CDC20B: variants seen among roughly 807,000 people sequenced by gnomAD.
The protein encoded by CDC20B is cell division cycle protein 20 homolog B.
In CDC20B, 58 loss-of-function variants were observed where a neutral mutation model predicts 64.1. The ratio of observed to expected loss-of-function variants is 0.90; its 90% CI spans 0.73 to 1.13. The LOEUF is 1.13. Among genes scored for constraint, CDC20B ranks in the 50% most tolerant of loss-of-function variants. The pLI is 0.00. For missense variants in CDC20B, 597 were observed against 633.0 expected (o/e 0.94, Z 0.61); for synonymous variants, 243 against 230.6 (o/e 1.05, Z -0.49).
intron 11 of CDC20B, among the ~76,000 whole-genome samples, chr5:55,115,222 G>A (rs2111783319): frequency 6.6e-6 from 1 of 152,282 alleles, no homozygotes; most frequent in African/African-American, 2.4e-5. Context: ...ATTATTATTT[G>A]CCAAAGAACA....
chr5:55,124,899 G>A lies in CDC20B; in HGVS notation c.1119C>T (p.Gly373=), dbSNP rs778456545. The A allele has an allele frequency of 3.7e-6, 6 of 1,614,166 alleles. No homozygotes were observed. The highest frequency in any genetic ancestry group is 5.1e-6 in the Non-Finnish European group (6 of 1,180,010). ...ATATTGTCAGCAGTCCATCACTGCA[G>A]CCGCTGGAAAGCAGCCTGCCATCCG... is the stretch of plus-strand genomic sequence containing the variant. The part of the protein sequence containing the change: ...WSPDGRLLSS[G]CSDGLLTIWP... Residue 373 remains glycine (G), a synonymous_variant, in exon 9 of 12, where the codon GGC becomes GGT. Transcript: ENST00000381375.
chr5:55,144,583 A>C (rs957638179), intron 3 of CDC20B, among the ~76,000 whole-genome samples: 2 of 152,216 alleles, frequency 1.3e-5, no homozygotes, highest in East Asian at 1.9e-4. Context: ...AGGGAGAAGA[A>C]GGATAAAAAT....
At chr5:55,170,431 T>C (rs988109124) in intron 2 of CDC20B, 1 of 458,718 alleles carries the variant, frequency 2.2e-6, no homozygotes, top group African/African-American at 2.0e-5. Context: ...TATTATAAGC[T>C]AATGGCAATA....
intron 2 of CDC20B, chr5:55,165,357 A>G (rs1422866573): frequency 6.6e-6 from 1 of 152,230 alleles, no homozygotes; most frequent in Non-Finnish European, 1.5e-5. Flanking sequence ...TTGCCTCATG[A>G]AATATACATT....
At chr5:55,146,978 AT>A (rs928782391) in intron 2 of CDC20B, 122 bp from the exon 3 acceptor site, 7 of 430,806 alleles carry the variant, frequency 1.6e-5, no homozygotes, top group South Asian at 1.6e-4. Flanking sequence ...ATATAATGAG[AT>A]TTTTTTAATT....
At chr5:55,132,439 T>G (rs1743054681) in intron 6 of CDC20B, among the ~76,000 whole-genome samples, 1 of 152,230 alleles carries the variant, frequency 6.6e-6, no homozygotes, top group Admixed American at 6.5e-5. Flanking sequence ...ACTGCTTCTA[T>G]GTCTGATTGT....
intron 5 of CDC20B, among the ~76,000 whole-genome samples, chr5:55,134,623 A>C (rs1300415763): frequency 2.6e-5 from 4 of 152,100 alleles, no homozygotes; most frequent in Non-Finnish European, 5.9e-5. Context: ...TTAGCCAGGC[A>C]TGCTGGTACA....
At chr5:55,117,204 A>G (rs900873901) in intron 11 of CDC20B, among the ~76,000 whole-genome samples, 1 of 152,200 alleles carries the variant, frequency 6.6e-6, no homozygotes, top group Non-Finnish European at 1.5e-5. Flanking sequence ...AATAATCATA[A>G]GTTACCTTTC....
intron 5 of CDC20B, among the ~76,000 whole-genome samples, chr5:55,134,324 A>G (rs771078663): frequency 2.0e-4 from 31 of 152,174 alleles, no homozygotes; most frequent in Non-Finnish European, 3.5e-4. Flanking sequence ...AAGAAACCAA[A>G]TTGTTACTCA....
At position 55,113,243 on chromosome 5, in the gene CDC20B, G is replaced by T. The variant is rs775369733; in HGVS notation, c.*975C>A. On this transcript the variant is annotated 3_prime_UTR_variant, in exon 12 of 12. Transcript: ENST00000381375. ...GAATTAACATTCAAAAGACAGAACA[G>T]CGAACTGATCAAGTTTGAAGGAACC... is the stretch of plus-strand genomic sequence containing the variant. The T allele has an allele frequency of 2.6e-5, 4 of 152,212 alleles. No individual in the cohort carries two copies. Among genetic ancestry groups the T allele is most frequent in the Non-Finnish European group, 4.4e-5 (3 of 68,040 alleles). 9.4% of individuals were successfully genotyped at this position (152,212 alleles called of 1,614,324 possible).
intron 2 of CDC20B, among the ~76,000 whole-genome samples, chr5:55,155,584 T>C (rs934228937): frequency 6.6e-6 from 1 of 152,212 alleles, no homozygotes; most frequent in Non-Finnish European, 1.5e-5. Flanking sequence ...AAATTAGTCA[T>C]GAAGACCAAA....
At chr5:55,124,210 G>T (rs193157292) in intron 9 of CDC20B, among the ~76,000 whole-genome samples, 1 of 152,094 alleles carries the variant, frequency 6.6e-6, no homozygotes, top group South Asian at 2.1e-4. Context: ...CTTTTCTTAC[G>T]TGTGAGCTTG....
At chr5:55,125,058 C>A (rs774560100) in intron 8 of CDC20B, 30 bp from the exon 9 acceptor site, 2 of 1,564,060 alleles carry the variant, frequency 1.3e-6, no homozygotes, top group Non-Finnish European at 1.8e-6. Context: ...AAAAATTAAG[C>A]CCTGTTGCTA....
At position 55,156,411 on chromosome 5, in the gene CDC20B, T is replaced by C. The variant is rs962943110; in HGVS notation, c.127-9555A>G. On this transcript the variant is annotated intron_variant, in intron 2 of 11. Coordinates refer to ENST00000381375, the MANE Select transcript of CDC20B (RefSeq NM_001170402.1). Reference sequence around the variant, plus strand: ...ATTACACAGAAACAGTTTCATGAAGTTGAAATAATTTTGGTTATGAAGTCG... The same window carrying C: ...ATTACACAGAAACAGTTTCATGAAGCTGAAATAATTTTGGTTATGAAGTCG... Among the ~76,000 whole-genome samples, 4 of 152,316 alleles carry C rather than the reference T, an allele frequency of 2.6e-5. No individual in the cohort carries two copies. In the East Asian group the frequency reaches 7.7e-4, roughly 29 times the overall value.
chr5:55,161,962 A>T (rs1355242562), intron 2 of CDC20B, among the ~76,000 whole-genome samples: 1 of 152,084 alleles, frequency 6.6e-6, no homozygotes, highest in Non-Finnish European at 1.5e-5. Flanking sequence ...CCTGTTTCTC[A>T]TTTGTAAAAT....
intron 2 of CDC20B, among the ~76,000 whole-genome samples, chr5:55,167,848 A>G (rs961930630): frequency 5.3e-5 from 8 of 152,100 alleles, no homozygotes; most frequent in African/African-American, 1.9e-4. Context: ...TGGGCAACAG[A>G]GCGAGACCCC....
intron 2 of CDC20B, among the ~76,000 whole-genome samples, chr5:55,159,119 C>T (rs932387128): frequency 2.0e-5 from 3 of 152,132 alleles, no homozygotes; most frequent in Non-Finnish European, 4.4e-5. Context: ...TGGGATCAAG[C>T]GATCCTCCCA....
chr5:55,162,811 C>T (rs1744152515), intron 2 of CDC20B, among the ~76,000 whole-genome samples: 1 of 152,198 alleles, frequency 6.6e-6, no homozygotes, highest in South Asian at 2.1e-4. Flanking sequence ...CTTCTAAAAC[C>T]CTTCTTAGCC....
chr5:55,120,301 ACTCAAATT>A, intron 10 of CDC20B, 116 bp downstream of exon 10: 2 of 1,059,230 alleles, frequency 1.9e-6, no homozygotes, highest in Non-Finnish European at 2.8e-6. Context: ...ACTCTTGAGA[ACTCAAATT>A]CCTTATGGAC....
Sources: gnomAD v4.1 joint callset for allele counts (sites outside exome capture counted in the v4.1 genomes callset) on GRCh38, gnomAD v4.1.1 for gene constraint, MANE v1.5 for transcripts, NCBI Gene and HGNC (gene_info 2026-07-23, HGNC 2026-07-21) for gene names.